Variants in CCDC171 observed in about 807,000 individuals in gnomAD.
CCDC171 encodes coiled-coil domain-containing protein 171.
CCDC171 carries 177 observed loss-of-function variants against 168.2 expected under a neutral mutation model. The ratio of observed to expected loss-of-function variants is 1.05; its 90% CI spans 0.93 to 1.19. The LOEUF (loss-of-function observed/expected upper bound fraction) is 1.19, where lower values mean the gene tolerates loss of function less well. Ranked by LOEUF, CCDC171 falls within the 50% of genes most tolerant of loss-of-function variation. The pLI, the probability that CCDC171 is intolerant of heterozygous loss-of-function variation, is 0.00. For synonymous variants in CCDC171, 687 were observed against 540.8 expected (o/e 1.27, Z -3.75); for missense variants, 1,991 against 1,539.0 (o/e 1.29, Z -4.91).
intron 3 of CCDC171, among the ~76,000 whole-genome samples, chr9:16,008,344 C>T (rs776849564): frequency 3.3e-5 from 5 of 152,154 alleles, no homozygotes; most frequent in African/African-American, 4.8e-5. Context: ...TTCTTTCCCC[C>T]ATTGAATGGT....
chr9:15,721,315 G>T (rs989000854), intron 11 of CCDC171, among the ~76,000 whole-genome samples: 20 of 151,820 alleles, frequency 1.3e-4, no homozygotes, highest in African/African-American at 4.8e-4. Context: ...AGTATAAAAG[G>T]CCTGACTAGT....
At chr9:15,713,792 C>A (rs2134069975) in intron 11 of CCDC171, among the ~76,000 whole-genome samples, 1 of 151,740 alleles carries the variant, frequency 6.6e-6, no homozygotes, top group Middle Eastern at 3.4e-3. Context: ...CAGAATGATG[C>A]CATCAATTTA....
intron 23 of CCDC171, among the ~76,000 whole-genome samples, chr9:15,867,727 AGC>A (rs869183491): frequency 1.7e-5 from 1 of 58,122 alleles, no homozygotes; most frequent in African/African-American, 3.8e-5. Context: ...AGCAGTTTTT[AGC>A]TTAAACACAT....
At chr9:15,602,386 A>G (rs1356762120) in intron 6 of CCDC171, among the ~76,000 whole-genome samples, 1 of 147,644 alleles carries the variant, frequency 6.8e-6, no homozygotes, top group Non-Finnish European at 1.5e-5. Context: ...TAAATAAGTT[A>G]TTTTTAAACC....
At chr9:16,079,490 A>T in the CCDC171 span, among the ~76,000 whole-genome samples, 1 of 152,228 alleles carries the variant, frequency 6.6e-6, no homozygotes, top group Non-Finnish European at 1.5e-5. Flanking sequence ...AGATCAGGTG[A>T]TGCTTCTGTA....
At chr9:15,566,266 A>G (rs1319330632) in intron 2 of CCDC171, among the ~76,000 whole-genome samples, 2 of 151,940 alleles carry the variant, frequency 1.3e-5, no homozygotes, top group South Asian at 2.1e-4. Context: ...TATCAGATAC[A>G]TGATTTGCTG....
chr9:16,054,413 G>A (rs1398214555), intron 1 of CCDC171, among the ~76,000 whole-genome samples: 1 of 152,176 alleles, frequency 6.6e-6, no homozygotes, highest in African/African-American at 2.4e-5. Context: ...TAACGTTAGA[G>A]TGAATTCTCA....
At chr9:15,763,732 C>T (rs1428293056) in intron 18 of CCDC171, among the ~76,000 whole-genome samples, 1 of 152,122 alleles carries the variant, frequency 6.6e-6, no homozygotes, top group East Asian at 1.9e-4. Flanking sequence ...ACCTGTATTA[C>T]CTGTGACTGT....
At position 15,819,391 on chromosome 9, in the gene CCDC171, A is replaced by G. The variant is rs2059680710; in HGVS notation, c.3268-27311A>G. On this transcript the variant is annotated intron_variant, in intron 21 of 25. Coordinates refer to ENST00000380701, the MANE Select transcript of CCDC171 (RefSeq NM_173550.4). ...GCTAAATGCTCCAATTAAAAGACACAGACTGGCAAATTGGATAGTCAAGAC... is the reference window on the plus strand; with the variant it reads ...GCTAAATGCTCCAATTAAAAGACACGGACTGGCAAATTGGATAGTCAAGAC... 1.7e-5 allele frequency among the ~76,000 whole-genome samples: 2 copies of G among 117,744 alleles called. 1 individual carries two copies. Among genetic ancestry groups the G allele is most frequent in the South Asian group, 5.6e-4 (2 of 3,590 alleles). The allele number at this position is 117,744 out of a possible 152,430, so 77.2% of individuals were successfully genotyped here. A position where few individuals can be genotyped will look rare whatever the true frequency, so the allele number is the denominator to read the frequency against.
chr9:15,945,146 T>TG (rs1449903459), intron 25 of CCDC171, among the ~76,000 whole-genome samples: 1 of 150,586 alleles, frequency 6.6e-6, no homozygotes, highest in Admixed American at 6.7e-5. Context: ...TTTTTGTTCT[T>TG]GTGATAGTTT....
At chr9:15,958,205 A>G (rs1829998225) in intron 25 of CCDC171, among the ~76,000 whole-genome samples, 2 of 152,012 alleles carry the variant, frequency 1.3e-5, no homozygotes, top group South Asian at 2.1e-4. Flanking sequence ...TGTGCAGGCC[A>G]CTGGTAATAC....
intron 24 of CCDC171, among the ~76,000 whole-genome samples, chr9:15,916,672 G>T (rs1824565155): frequency 6.6e-6 from 1 of 151,958 alleles, no homozygotes; most frequent in Non-Finnish European, 1.5e-5. Flanking sequence ...TGGTCTTCTA[G>T]TCTTCAAGTG....
chr9:15,997,597 C>G (rs985695855), intron 3 of CCDC171, among the ~76,000 whole-genome samples: 2 of 152,078 alleles, frequency 1.3e-5, no homozygotes, highest in African/African-American at 4.8e-5. Flanking sequence ...GGGAGACAAA[C>G]TACAGCCCCT....
At chr9:15,939,123 G>A (rs1827434657) in intron 25 of CCDC171, among the ~76,000 whole-genome samples, 1 of 150,652 alleles carries the variant, frequency 6.6e-6, no homozygotes, top group Non-Finnish European at 1.5e-5. Context: ...AATGGCCCAA[G>A]AAGGAGTTTT....
the CCDC171 span, among the ~76,000 whole-genome samples, chr9:16,079,234 T>A: frequency 1.3e-5 from 2 of 152,202 alleles, no homozygotes; most frequent in Non-Finnish European, 2.9e-5. Context: ...TTCTGAAAGA[T>A]CCCCAGTGGC....
chr9:15,902,683 G>A (rs572567693), intron 24 of CCDC171, among the ~76,000 whole-genome samples: 1 of 152,296 alleles, frequency 6.6e-6, no homozygotes, highest in South Asian at 2.1e-4. Flanking sequence ...TGGAAAGTGG[G>A]TGCAGGACAG....
At chr9:15,890,910 G>A (rs1199354607) in intron 24 of CCDC171, among the ~76,000 whole-genome samples, 1 of 152,090 alleles carries the variant, frequency 6.6e-6, no homozygotes, top group Non-Finnish European at 1.5e-5. Flanking sequence ...CCAATTTGCT[G>A]TATTATATCA....
chr9:15,602,647 CTTTTTTTTTTTT>C (rs1161286304), intron 6 of CCDC171, among the ~76,000 whole-genome samples: 1 of 30,468 alleles, frequency 3.3e-5, no homozygotes, highest in Admixed American at 5.3e-4. Context: ...TTTTTTTTTT[CTTTTTTTTTTTT>C]TTTTTTTTTT....
At chr9:15,700,912 G>C (rs1351935651) in intron 11 of CCDC171, among the ~76,000 whole-genome samples, 1 of 142,412 alleles carries the variant, frequency 7.0e-6, no homozygotes, top group Non-Finnish European at 1.5e-5. Context: ...TTTTTTTTTT[G>C]TCTTTTTGCT....
Sources: allele counts gnomAD v4.1 joint callset (sites outside exome capture counted in the v4.1 genomes callset), GRCh38; gene constraint gnomAD v4.1.1; transcripts MANE v1.5; gene names NCBI Gene and HGNC (gene_info 2026-07-23, HGNC 2026-07-21).